LRRTM4: variants seen among roughly 807,000 people sequenced by gnomAD.
LRRTM4 encodes the protein leucine-rich repeat transmembrane neuronal protein 4.
Under a neutral mutation model 47.6 loss-of-function variants are expected in LRRTM4, and 25 were observed. The observed-to-expected ratio is 0.53, with a 90% CI of 0.38 to 0.73. LRRTM4 has a LOEUF of 0.73. LRRTM4 is among the 30% of genes least tolerant of loss of function. The probability of loss-of-function intolerance (pLI) is 0.00; values close to 1 mark genes in which losing one functional copy is unlikely to be tolerated. For synonymous variants in LRRTM4, 311 were observed against 269.5 expected (o/e 1.15, Z -1.51); for missense variants, 638 against 713.4 (o/e 0.89, Z 1.20).
rs1676280180 is a variant in LRRTM4, at chr2:77,274,203, T to C, written c.1551+244115A>G. The stretch of plus-strand genomic sequence containing the variant: ...ATTTGGCAACCAGGCAAGATATTTG[T>C]TTCATTTACCATTCTATATATTAAG... On this transcript the variant is annotated intron_variant, in intron 3 of 3. Coordinates refer to ENST00000409884, the MANE Select transcript of LRRTM4 (RefSeq NM_001134745.3). 4.6e-5 allele frequency among the ~76,000 whole-genome samples: 7 copies of C among 152,184 alleles called. No homozygotes were observed. In the South Asian group the frequency reaches 1.5e-3, roughly 32 times the overall value.
chr2:77,064,162 G>A (rs1310692696), intron 3 of LRRTM4, among the ~76,000 whole-genome samples: 1 of 151,970 alleles, frequency 6.6e-6, no homozygotes, highest in Non-Finnish European at 1.5e-5. Context: ...TCTCAAAACT[G>A]ATTCAGCTTT....
At chr2:77,496,972 A>C (rs901300938) in intron 3 of LRRTM4, among the ~76,000 whole-genome samples, 2 of 151,786 alleles carry the variant, frequency 1.3e-5, no homozygotes, top group Admixed American at 6.6e-5. Flanking sequence ...CTTAATTTTT[A>C]AAATAGACAT....
At chr2:76,800,473 A>G (rs1308946176) in intron 3 of LRRTM4, among the ~76,000 whole-genome samples, 1 of 142,998 alleles carries the variant, frequency 7.0e-6, no homozygotes, top group Non-Finnish European at 1.5e-5. Context: ...TAAAGACTTA[A>G]ACGTTAGACC....
intron 3 of LRRTM4, among the ~76,000 whole-genome samples, chr2:77,017,606 A>G (rs1207372702): frequency 1.3e-5 from 2 of 152,206 alleles, no homozygotes; most frequent in Non-Finnish European, 2.9e-5. Flanking sequence ...TAGTAAGGAC[A>G]GTTTGATCAC....
chr2:77,090,562 A>T (rs969140808), intron 3 of LRRTM4, among the ~76,000 whole-genome samples: 1 of 152,142 alleles, frequency 6.6e-6, no homozygotes, highest in East Asian at 1.9e-4. Context: ...GACAAACCCC[A>T]GCCACATCTC....
chr2:77,013,043 T>TG lies in LRRTM4; in HGVS notation c.1552-264128_1552-264127insC, dbSNP rs1677931580. 2.0e-5 allele frequency among the ~76,000 whole-genome samples: 3 copies of TG among 152,222 alleles called. No homozygotes were observed. The South Asian group carries it at 6.2e-4, about 32-fold the overall frequency. ...ATGAACAACAGGATGAGTGCATGCA[T>TG]AATAGCATGAATGAATGGATAACCT... On this transcript the variant is annotated intron_variant, in intron 3 of 3. Transcript: ENST00000409884.
At chr2:77,297,228 C>A (rs1192403706) in intron 3 of LRRTM4, among the ~76,000 whole-genome samples, 1 of 152,022 alleles carries the variant, frequency 6.6e-6, no homozygotes, top group Non-Finnish European at 1.5e-5. Context: ...CCGTAGGAGG[C>A]CCTTCTCATA....
intron 3 of LRRTM4, among the ~76,000 whole-genome samples, chr2:76,849,194 C>T (rs1186677156): frequency 5.9e-5 from 9 of 151,954 alleles, no homozygotes; most frequent in African/African-American, 1.7e-4. Flanking sequence ...GGTGACAGTG[C>T]AGAGAAGAGA....
chr2:77,454,819 T>C lies in LRRTM4; in HGVS notation c.1551+63499A>G, dbSNP rs553488115. 3.0e-3 allele frequency among the ~76,000 whole-genome samples: 460 copies of C among 152,314 alleles called. 10 individuals are homozygous for C. The highest frequency in any genetic ancestry group is 0.01 in the African/African-American group (428 of 41,584). On this transcript the variant is annotated intron_variant, in intron 3 of 3. Transcript: ENST00000409884. Reference sequence around the variant, plus strand: ...ACACATAAATGATGCCCAATCAATATGTGTTGATGAATATGAGTTTTCTTC... The same window carrying C: ...ACACATAAATGATGCCCAATCAATACGTGTTGATGAATATGAGTTTTCTTC...
At chr2:76,972,412 C>CTTTT (rs397869502) in intron 3 of LRRTM4, among the ~76,000 whole-genome samples, 96 of 95,258 alleles carry the variant, frequency 1.0e-3, no homozygotes, top group East Asian at 4.8e-3. Context: ...TCATTGAACA[C>CTTTT]TTTTTTTTTT....
At chr2:77,083,976 T>A (rs2103863753) in intron 3 of LRRTM4, among the ~76,000 whole-genome samples, 1 of 151,798 alleles carries the variant, frequency 6.6e-6, no homozygotes, top group East Asian at 2.0e-4. Context: ...GGCTAATTTT[T>A]TTATATTTTT....
chr2:77,134,448 AG>A (rs1267281640), intron 3 of LRRTM4, among the ~76,000 whole-genome samples: 5 of 152,184 alleles, frequency 3.3e-5, no homozygotes, highest in Admixed American at 2.6e-4. Context: ...ATTAGCAACA[AG>A]AAGTTCAGGA....
At chr2:77,152,959 CACTT>C (rs1000740427) in intron 3 of LRRTM4, among the ~76,000 whole-genome samples, 11 of 152,176 alleles carry the variant, frequency 7.2e-5, no homozygotes, top group Admixed American at 1.3e-4. Context: ...GAAATTAACT[CACTT>C]ACTAATTTTG....
At chr2:77,001,629 T>C (rs1677433587) in intron 3 of LRRTM4, among the ~76,000 whole-genome samples, 1 of 152,158 alleles carries the variant, frequency 6.6e-6, no homozygotes, top group Non-Finnish European at 1.5e-5. Context: ...CACTTTTCTA[T>C]ATCTACATTC....
chr2:77,153,485 T>A (rs1039467464), intron 3 of LRRTM4, among the ~76,000 whole-genome samples: 1 of 152,172 alleles, frequency 6.6e-6, no homozygotes, highest in Non-Finnish European at 1.5e-5. Context: ...CTCCCTCTTA[T>A]AAAAACCAAG....
At chr2:77,338,718 T>C (rs922038951) in intron 3 of LRRTM4, among the ~76,000 whole-genome samples, 29 of 152,152 alleles carry the variant, frequency 1.9e-4, no homozygotes, top group African/African-American at 5.8e-4. Flanking sequence ...AAAAATGGAA[T>C]TACCATTCGA....
intron 3 of LRRTM4, among the ~76,000 whole-genome samples, chr2:77,480,816 GTGTGTGGA>G (rs1169391968): frequency 3.6e-4 from 45 of 124,568 alleles, no homozygotes; most frequent in East Asian, 2.6e-3. Context: ...GTGTGTGTGT[GTGTGTGGA>G]GAGAGAGAGA....
At chr2:77,400,474 C>T (rs1274022272) in intron 3 of LRRTM4, among the ~76,000 whole-genome samples, 1 of 151,824 alleles carries the variant, frequency 6.6e-6, no homozygotes, top group African/African-American at 2.4e-5. Context: ...GGTCTGAGTT[C>T]AATACCCAAA....
At chr2:77,076,273 T>G (rs1256902504) in intron 3 of LRRTM4, among the ~76,000 whole-genome samples, 1 of 152,190 alleles carries the variant, frequency 6.6e-6, no homozygotes, top group East Asian at 1.9e-4. Context: ...ACTTGAGAAG[T>G]TAACTACTCT....
Sources: gnomAD v4.1 joint callset for allele counts (sites outside exome capture counted in the v4.1 genomes callset) on GRCh38, gnomAD v4.1.1 for gene constraint, MANE v1.5 for transcripts, NCBI Gene and HGNC (gene_info 2026-07-23, HGNC 2026-07-21) for gene names.